Variants in XRCC6 observed in about 807,000 individuals in gnomAD.
The protein encoded by XRCC6 is X-ray repair cross complementing 6.
In XRCC6, 5 loss-of-function variants were observed where a neutral mutation model predicts 65.7. That is an observed-to-expected ratio of 0.08 (90% CI 0.04 to 0.16). The LOEUF is 0.16. Among genes scored for constraint, XRCC6 ranks in the 10% least tolerant of loss-of-function variants. The pLI, the probability that XRCC6 is intolerant of heterozygous loss-of-function variation, is 1.00. For synonymous variants in XRCC6, 270 were observed against 270.6 expected (o/e 1.00, Z 0.02); for missense variants, 447 against 738.1 (o/e 0.61, Z 4.57).
At position 41,658,388 on chromosome 22, in the gene XRCC6, A is replaced by G. The variant is rs772279023; in HGVS notation, c.1522+36A>G. 7 of 1,597,232 alleles carry G rather than the reference A, an allele frequency of 4.4e-6. No individual in the cohort carries two copies. The South Asian group carries it at 7.7e-5, about 18-fold the overall frequency. ...TGAATAGAGTAGTTCTTTTCATGGG[A>G]GGCTTTCTTACTGGTTCCACTCTGC... On this transcript the variant is annotated intron_variant, in intron 11 of 12. Coordinates refer to ENST00000360079, the MANE Select transcript of XRCC6 (RefSeq NM_001469.5).
At chr22:41,625,790 C>T (rs183740895) in intron 2 of XRCC6, among the ~76,000 whole-genome samples, 83 of 152,312 alleles carry the variant, frequency 5.4e-4, no homozygotes, top group African/African-American at 1.8e-3. Context: ...GATTGCGCCA[C>T]TGCATTCCAG....
intron 5 of XRCC6, among the ~76,000 whole-genome samples, chr22:41,637,222 T>TA (rs1569086148): frequency 1.3e-5 from 2 of 151,996 alleles, no homozygotes; most frequent in Non-Finnish European, 2.9e-5. Context: ...TAGCTGGAAT[T>TA]ACAGGCATGA....
chr22:41,652,355 T>G (rs989320492), intron 8 of XRCC6, among the ~76,000 whole-genome samples: 2 of 151,848 alleles, frequency 1.3e-5, no homozygotes, highest in African/African-American at 4.8e-5. Context: ...GAACTGACAT[T>G]AATAATTTGC....
Position 41,663,859 on chromosome 22 carries a change from C to T in XRCC6, c.*44C>T. On this transcript the variant is annotated 3_prime_UTR_variant, in exon 13 of 13. Coordinates refer to ENST00000360079, the MANE Select transcript of XRCC6 (RefSeq NM_001469.5). ...GCTGCCCTTCCGCAGTGTGGCCAGG[C>T]TGCCTGGCCTTGTCCTCAGCCAGTT... The T allele has an allele frequency of 1.3e-6, 2 of 1,588,702 alleles. No individual in the cohort carries two copies. Among genetic ancestry groups the T allele is most frequent in the South Asian group, 2.2e-5 (2 of 89,634 alleles).
At position 41,664,025 on chromosome 22, in the gene XRCC6, C is replaced by G. The variant is rs1362823858; in HGVS notation, c.*210C>G. ...TTACTTTACTGCCTGAATAAAGAGC[C>G]CTAAGTTTGTACTATATACTGTTCT... On this transcript the variant is annotated 3_prime_UTR_variant, in exon 13 of 13. Coordinates refer to ENST00000360079, the MANE Select transcript of XRCC6 (RefSeq NM_001469.5). The G allele has an allele frequency of 3.4e-6, 2 of 583,978 alleles. No individual in the cohort carries two copies. Among genetic ancestry groups the G allele is most frequent in the Non-Finnish European group, 6.0e-6 (2 of 332,276 alleles). 36.2% of individuals were successfully genotyped at this position (583,978 alleles called of 1,614,324 possible). A position where few individuals can be genotyped will look rare whatever the true frequency, so the allele number is the denominator to read the frequency against.
intron 12 of XRCC6, among the ~76,000 whole-genome samples, chr22:41,663,403 C>T (rs1244358215): frequency 6.6e-6 from 1 of 152,162 alleles, no homozygotes; most frequent in African/African-American, 2.4e-5. Flanking sequence ...ATGGCATTCA[C>T]ACTACTTGTA....
intron 2 of XRCC6, among the ~76,000 whole-genome samples, chr22:41,623,672 C>T (rs1195425281): frequency 2.6e-5 from 4 of 151,778 alleles, no homozygotes; most frequent in Non-Finnish European, 5.9e-5. Flanking sequence ...CAAGTGTGAG[C>T]CACTGCGCCT....
chr22:41,637,067 A>G (rs2067817587), intron 5 of XRCC6, among the ~76,000 whole-genome samples: 1 of 150,980 alleles, frequency 6.6e-6, no homozygotes, highest in South Asian at 2.1e-4. Flanking sequence ...TGTCAGAACA[A>G]GATTGTCTTG....
At chr22:41,652,601 A>T (rs552111850) in intron 8 of XRCC6, among the ~76,000 whole-genome samples, 2 of 152,180 alleles carry the variant, frequency 1.3e-5, no homozygotes, top group African/African-American at 2.4e-5. Flanking sequence ...CCTGGGCTTA[A>T]GCAATCTACC....
intron 3 of XRCC6, among the ~76,000 whole-genome samples, chr22:41,633,786 G>T (rs1220273914): frequency 6.6e-6 from 1 of 152,124 alleles, no homozygotes; most frequent in Non-Finnish European, 1.5e-5. Flanking sequence ...TGGAACCCTT[G>T]ATGCCTAAAG....
intron 8 of XRCC6, among the ~76,000 whole-genome samples, chr22:41,652,292 T>C (rs576893971): frequency 7.2e-5 from 11 of 152,276 alleles, no homozygotes; most frequent in Non-Finnish European, 1.3e-4. Context: ...TTTGACTCGA[T>C]TGGTTTTCAT....
In XRCC6 at chr22:41,636,118, C is replaced by G; in HGVS notation, c.201C>G (p.Ile67Met). 1 of 1,573,776 alleles carries G rather than the reference C, an allele frequency of 6.4e-7. No individual in the cohort carries two copies. The highest frequency in any genetic ancestry group is 8.6e-7 in the Non-Finnish European group (1 of 1,167,718). ...LTPFDMSIQC[I>M]QSVYISKIIS... Reference sequence around the variant, plus strand: ...AATTGAATTTTTTTTTTCAGTGTATCCAAAGTGTGTACATCAGTAAGATCA... The same window carrying G: ...AATTGAATTTTTTTTTTCAGTGTATGCAAAGTGTGTACATCAGTAAGATCA... The change falls in exon 4 of 13, where the codon ATC becomes ATG. Residue 67 changes from isoleucine to methionine, a missense_variant. Transcript: ENST00000360079.
At chr22:41,658,166 C>A (rs1332571838) in intron 10 of XRCC6, 86 bp from the exon 11 acceptor site, 5 of 1,369,814 alleles carry the variant, frequency 3.7e-6, no homozygotes, top group Non-Finnish European at 5.2e-6. Context: ...TCACCCCGGA[C>A]CTGTAGTATC....
At chr22:41,651,317 C>G (rs1031704004) in intron 8 of XRCC6, among the ~76,000 whole-genome samples, 2 of 131,524 alleles carry the variant, frequency 1.5e-5, no homozygotes, top group Admixed American at 1.6e-4. Context: ...AAAAGTGTTT[C>G]AAGCTCAAAT....
At chr22:41,644,072 G>A (rs1466290082) in intron 6 of XRCC6, among the ~76,000 whole-genome samples, 2 of 152,040 alleles carry the variant, frequency 1.3e-5, no homozygotes, top group Non-Finnish European at 2.9e-5. Context: ...TCTTGAACCC[G>A]GGAGGCGGAG....
Position 41,622,073 on chromosome 22 carries a change from C to T in XRCC6, c.69C>T (p.Asn23=). ...AAGCAGAGGAAGAACAAGAAGAGAA[C>T]CTTGAAGCAAGTGGTAAGTGACTTC... ...DEEAEEEQEE[N]LEASGDYKYS... The change falls in exon 2 of 13, where the codon AAC becomes AAT. Residue 23 remains asparagine, a synonymous_variant. Transcript: ENST00000360079. 4 of 1,614,202 alleles carry T rather than the reference C, an allele frequency of 2.5e-6. No individual in the cohort carries two copies. Among genetic ancestry groups the T allele is most frequent in the Non-Finnish European group, 3.4e-6 (4 of 1,180,032 alleles).
At chr22:41,662,455 AT>A (rs1385036729) in intron 12 of XRCC6, among the ~76,000 whole-genome samples, 1 of 152,140 alleles carries the variant, frequency 6.6e-6, no homozygotes, top group East Asian at 1.9e-4. Flanking sequence ...GGAATAATAC[AT>A]TGTTTTCTAG....
chr22:41,636,421 G>T, intron 4 of XRCC6, 95 bp from the exon 5 acceptor site: 1 of 1,533,794 alleles, frequency 6.5e-7, no homozygotes, highest in South Asian at 1.3e-5. Flanking sequence ...AACAGCTCTG[G>T]GGTGAAAAAG....
At chr22:41,635,503 G>GC (rs1413852500) in intron 3 of XRCC6, among the ~76,000 whole-genome samples, 4 of 151,990 alleles carry the variant, frequency 2.6e-5, no homozygotes, top group Non-Finnish European at 4.4e-5. Flanking sequence ...GCTTTGCTTC[G>GC]CCCCAACTCC....
Sources: allele counts gnomAD v4.1 joint callset (sites outside exome capture counted in the v4.1 genomes callset), GRCh38; gene constraint gnomAD v4.1.1; transcripts MANE v1.5; gene names NCBI Gene and HGNC (gene_info 2026-07-23, HGNC 2026-07-21).